DIO1: variants seen among roughly 807,000 people sequenced by gnomAD.
The protein encoded by DIO1 is type I iodothyronine deiodinase.
Under a neutral mutation model 25.9 loss-of-function variants are expected in DIO1, and 17 were observed. That is an observed-to-expected ratio of 0.66 (90% CI 0.45 to 0.98). DIO1 has a LOEUF of 0.98. DIO1 is among the 50% of genes least tolerant of loss of function. The pLI, the probability that DIO1 is intolerant of heterozygous loss-of-function variation, is 0.00. For synonymous variants in DIO1, 115 were observed against 114.0 expected (o/e 1.01, Z -0.05); for missense variants, 270 against 310.4 (o/e 0.87, Z 0.98).
chr1:53,898,350 G>A (rs1216829482), intron 1 of DIO1, among the ~76,000 whole-genome samples: 1 of 152,146 alleles, frequency 6.6e-6, no homozygotes, highest in Non-Finnish European at 1.5e-5. Context: ...GAGCTTACGG[G>A]GCCTTGTGTG....
chr1:53,906,374 A>G, intron 3 of DIO1, 80 bp downstream of exon 3: 1 of 1,274,226 alleles, frequency 7.8e-7, no homozygotes, highest in East Asian at 2.5e-5. Flanking sequence ...CTTTGCATCA[A>G]GCAGAACTGG....
intron 1 of DIO1, among the ~76,000 whole-genome samples, chr1:53,898,539 G>C (rs1651196505): frequency 6.6e-6 from 1 of 152,094 alleles, no homozygotes; most frequent in Admixed American, 6.6e-5. Context: ...GATGTCAGGA[G>C]TTCGAGACCA....
At position 53,910,755 on chromosome 1, in the gene DIO1, G is replaced by A. The variant is rs1223749398; in HGVS notation, c.*756G>A. On this transcript the variant is annotated 3_prime_UTR_variant, in exon 4 of 4. Coordinates refer to ENST00000361921, the MANE Select transcript of DIO1 (RefSeq NM_000792.7). ...CTTCCACTAGCCTCACTTTTCAACA[G>A]AGTCATCTAGAAGGGAGGGTTGGCT... The A allele has an allele frequency of 6.6e-6, 1 of 152,274 alleles. No homozygotes were observed. The highest frequency in any genetic ancestry group is 1.5e-5 in the Non-Finnish European group (1 of 68,068). 9.4% of individuals were successfully genotyped at this position (152,274 alleles called of 1,614,324 possible).
intron 1 of DIO1, among the ~76,000 whole-genome samples, chr1:53,900,227 A>G (rs573153196): frequency 1.2e-4 from 18 of 152,318 alleles, no homozygotes; most frequent in African/African-American, 4.3e-4. Flanking sequence ...AATATAGCTC[A>G]GTTATAACAA....
intron 1 of DIO1, among the ~76,000 whole-genome samples, chr1:53,902,762 A>C (rs1296444701): frequency 2.6e-5 from 4 of 151,644 alleles, no homozygotes; most frequent in Non-Finnish European, 5.9e-5. Flanking sequence ...ACATGGGACC[A>C]GTGAATCACA....
chr1:53,905,893 G>A (rs1651630138), intron 2 of DIO1, among the ~76,000 whole-genome samples: 3 of 152,218 alleles, frequency 2.0e-5, no homozygotes, highest in South Asian at 4.1e-4. Flanking sequence ...GCAGGGGTCT[G>A]GCAGACAGAA....
intron 1 of DIO1, among the ~76,000 whole-genome samples, chr1:53,898,782 T>C (rs1259851483): frequency 6.7e-6 from 1 of 150,284 alleles, no homozygotes; most frequent in African/African-American, 2.5e-5. Context: ...TTGTAACTAC[T>C]TTGGAAACCC....
intron 3 of DIO1, among the ~76,000 whole-genome samples, chr1:53,908,363 C>G (rs1156460787): frequency 2.6e-5 from 4 of 152,200 alleles, no homozygotes; most frequent in Admixed American, 2.0e-4. Context: ...CACGCCTTTT[C>G]TGTATAGGGC....
In DIO1 at chr1:53,894,264, G is replaced by A. The variant is rs141539211; in HGVS notation, c.54G>A (p.Glu18=). 635 of 1,614,248 alleles carry A rather than the reference G, an allele frequency of 3.9e-4. 2 individuals are homozygous for A. In the African/African-American group the frequency reaches 7.7e-3, roughly 20 times the overall value. ...TGAAGAGGCTCTGGGTGCTCTTGGA[G>A]GTGGCTGTGCATGTGGTCGTGGGTA... ...LWLKRLWVLL[E]VAVHVVVGKV... The change falls in exon 1 of 4, where the codon GAG becomes GAA. Residue 18 remains glutamate, a synonymous_variant. Coordinates refer to ENST00000361921, the MANE Select transcript of DIO1 (RefSeq NM_000792.7). This position sits in a 1 kb window ranked among gnomAD's most constrained non-coding sequence, Gnocchi z 4.9.
intron 3 of DIO1, 29 bp from the exon 4 acceptor site, chr1:53,909,902 T>C: frequency 6.2e-7 from 1 of 1,611,760 alleles, no homozygotes; most frequent in Middle Eastern, 1.7e-4. Context: ...CCTTACAAGT[T>C]GGGAATGCCT....
At position 53,910,049 on chromosome 1, in the gene DIO1, G is replaced by A; in HGVS notation, c.*50G>A. The A allele has an allele frequency of 2.6e-6, 4 of 1,534,610 alleles. No homozygotes were observed. The highest frequency in any genetic ancestry group is 3.6e-6 in the Non-Finnish European group (4 of 1,107,646). ...GTGACCAACGGGAGGGCTTCTCAAGGCTTAGCTCTCCCTGAGACCCAGCTG... is the reference window on the plus strand; with the variant it reads ...GTGACCAACGGGAGGGCTTCTCAAGACTTAGCTCTCCCTGAGACCCAGCTG... On this transcript the variant is annotated 3_prime_UTR_variant, in exon 4 of 4. Coordinates refer to ENST00000361921, the MANE Select transcript of DIO1 (RefSeq NM_000792.7).
chr1:53,903,484 G>A lies in DIO1; in HGVS notation c.338-1182G>A, dbSNP rs530438510. On this transcript the variant is annotated intron_variant, in intron 1 of 3. Coordinates refer to ENST00000361921, the MANE Select transcript of DIO1 (RefSeq NM_000792.7). The stretch of plus-strand genomic sequence containing the variant: ...CTCACTCTATGAATACCCCAGGGGA[G>A]TATGACATCAAATAGCAACTAAAAG... Among the ~76,000 whole-genome samples the A allele has an allele frequency of 9.9e-5, 15 of 151,932 alleles. No homozygotes were observed. The South Asian group carries it at 2.9e-3, about 29-fold the overall frequency.
rs60469690 is a variant in DIO1, at chr1:53,898,744, CAAA to C, written c.337+4214_337+4216del. Among the ~76,000 whole-genome samples the C allele has an allele frequency of 6.6e-5, 7 of 106,612 alleles. No homozygotes were observed. In the East Asian group the frequency reaches 1.3e-3, roughly 19 times the overall value. The allele number at this position is 106,612 out of a possible 152,430, so 69.9% of individuals were successfully genotyped here. A position where few individuals can be genotyped will look rare whatever the true frequency, so the allele number is the denominator to read the frequency against. On this transcript the variant is annotated intron_variant, in intron 1 of 3. Coordinates refer to ENST00000361921, the MANE Select transcript of DIO1 (RefSeq NM_000792.7). ...TGGGCAACAAAGCGAGACTCTGTCTCAAAAAAAAAAAAAAAAAAAGAGACATGT... is the reference window on the plus strand; with the variant it reads ...TGGGCAACAAAGCGAGACTCTGTCTCAAAAAAAAAAAAAAAAGAGACATGT...
At chr1:53,896,814 G>A (rs1326507833) in intron 1 of DIO1, among the ~76,000 whole-genome samples, 1 of 152,218 alleles carries the variant, frequency 6.6e-6, no homozygotes, top group Non-Finnish European at 1.5e-5. Flanking sequence ...GGTGGCTCTG[G>A]AACTAGGTCT....
intron 1 of DIO1, among the ~76,000 whole-genome samples, chr1:53,899,705 T>C (rs1651255698): frequency 6.6e-6 from 1 of 152,174 alleles, no homozygotes. Flanking sequence ...TGAGATGGGG[T>C]CTCATGCTGT....
intron 3 of DIO1, among the ~76,000 whole-genome samples, chr1:53,908,224 A>C (rs1325643663): frequency 2.0e-5 from 3 of 152,014 alleles, no homozygotes; most frequent in East Asian, 3.9e-4. Context: ...TCCGTCTCAA[A>C]AAAAAAAAGA....
At chr1:53,900,974 C>A (rs1355582001) in intron 1 of DIO1, among the ~76,000 whole-genome samples, 4 of 146,338 alleles carry the variant, frequency 2.7e-5, no homozygotes, top group African/African-American at 1.0e-4. Flanking sequence ...CCTACCAGGG[C>A]CAGCTAACTT....
At chr1:53,897,983 T>A (rs553782507) in intron 1 of DIO1, among the ~76,000 whole-genome samples, 2 of 152,244 alleles carry the variant, frequency 1.3e-5, no homozygotes, top group African/African-American at 4.8e-5. Context: ...AAATCATAGG[T>A]ACTAACAATA....
chr1:53,902,248 C>T (rs1366261905), intron 1 of DIO1, among the ~76,000 whole-genome samples: 1 of 151,870 alleles, frequency 6.6e-6, no homozygotes, highest in Non-Finnish European at 1.5e-5. Context: ...GCCTTCCCTG[C>T]CCCGCCTGTC....
Sources: gnomAD v4.1 joint callset for allele counts (sites outside exome capture counted in the v4.1 genomes callset) on GRCh38, gnomAD v4.1.1 for gene constraint, Gnocchi (gnomAD v3.1) non-coding constraint, MANE v1.5 for transcripts, NCBI Gene and HGNC (gene_info 2026-07-23, HGNC 2026-07-21) for gene names.